The following SEMA3E variants were observed in gnomAD, a reference collection of about 807,000 sequenced individuals.
SEMA3E encodes the protein semaphorin 3E.
Under a neutral mutation model 93.6 loss-of-function variants are expected in SEMA3E, and 49 were observed. That is an observed-to-expected ratio of 0.52 (90% CI 0.42 to 0.66). The LOEUF (loss-of-function observed/expected upper bound fraction) is 0.66, where lower values mean the gene tolerates loss of function less well. Among genes scored for constraint, SEMA3E ranks in the 30% least tolerant of loss-of-function variants. The probability of loss-of-function intolerance (pLI) is 0.00; values close to 1 mark genes in which losing one functional copy is unlikely to be tolerated. For synonymous variants in SEMA3E, 363 were observed against 330.7 expected (o/e 1.10, Z -1.06); for missense variants, 906 against 964.8 (o/e 0.94, Z 0.81).
chr7:83,394,405 T>A, intron 12 of SEMA3E, 67 bp from the exon 13 acceptor site: 2 of 1,309,046 alleles, frequency 1.5e-6, no homozygotes, highest in Non-Finnish European at 1.1e-6. Flanking sequence ...AATATGGTTG[T>A]AAACCCCTGA....
chr7:83,397,393 A>G (rs1253139444), intron 11 of SEMA3E, among the ~76,000 whole-genome samples: 2 of 152,116 alleles, frequency 1.3e-5, no homozygotes, highest in East Asian at 1.9e-4. Flanking sequence ...TTTTTTACCA[A>G]AAGCTACTTT....
intron 4 of SEMA3E, among the ~76,000 whole-genome samples, chr7:83,456,708 G>C (rs1032536933): frequency 6.6e-6 from 1 of 151,778 alleles, no homozygotes; most frequent in African/African-American, 2.4e-5. Context: ...CCACCTCCTG[G>C]GGTCAAGCGA....
At chr7:83,496,469 T>G (rs1293768617) in intron 1 of SEMA3E, among the ~76,000 whole-genome samples, 1 of 152,066 alleles carries the variant, frequency 6.6e-6, no homozygotes, top group African/African-American at 2.4e-5. Flanking sequence ...TTTAATCACC[T>G]TTATTGTGTA....
At chr7:83,641,490 T>C (rs17457412) in intron 1 of SEMA3E, 11,060 of 528,438 alleles carry the variant, frequency 0.021, 141 homozygotes, top group Middle Eastern at 0.033. Flanking sequence ...GTTACAAAGC[T>C]GGGCCTACAA....
At chr7:83,457,951 T>G (rs1362327008) in intron 4 of SEMA3E, among the ~76,000 whole-genome samples, 3 of 152,156 alleles carry the variant, frequency 2.0e-5, no homozygotes, top group Non-Finnish European at 4.4e-5. Flanking sequence ...TTCCCTCATG[T>G]AAAATTGCAT....
At chr7:83,625,147 G>A (rs1246602145) in intron 1 of SEMA3E, among the ~76,000 whole-genome samples, 1 of 152,186 alleles carries the variant, frequency 6.6e-6, no homozygotes, top group Non-Finnish European at 1.5e-5. Context: ...ATAGTTTGAA[G>A]TCAGGTAGCG....
intron 1 of SEMA3E, among the ~76,000 whole-genome samples, chr7:83,565,189 A>G (rs1792117984): frequency 6.6e-6 from 1 of 152,214 alleles, no homozygotes; most frequent in African/African-American, 2.4e-5. Context: ...TGCGGTACAT[A>G]TACACCATGG....
chr7:83,469,496 C>T (rs1789848274), intron 2 of SEMA3E, among the ~76,000 whole-genome samples, 194 bp from the exon 3 acceptor site: 1 of 148,566 alleles, frequency 6.7e-6, no homozygotes, highest in Admixed American at 6.8e-5. Flanking sequence ...TGGGCTTTTA[C>T]TTTATGATAA....
chr7:83,481,581 G>C (rs1790146820), intron 2 of SEMA3E, among the ~76,000 whole-genome samples: 1 of 152,124 alleles, frequency 6.6e-6, no homozygotes, highest in Non-Finnish European at 1.5e-5. Flanking sequence ...TAAATTGGAA[G>C]TTTTAGAGTG....
At chr7:83,400,354 T>C in intron 10 of SEMA3E, 104 bp from the exon 11 acceptor site, 2 of 1,028,384 alleles carry the variant, frequency 1.9e-6, no homozygotes, top group Non-Finnish European at 3.1e-6. Context: ...GTCAAATTAG[T>C]CAATTGTGCA....
intron 1 of SEMA3E, among the ~76,000 whole-genome samples, chr7:83,555,123 A>T (rs1051670140): frequency 1.3e-5 from 2 of 152,176 alleles, no homozygotes; most frequent in African/African-American, 4.8e-5. Context: ...TTCATTAAGT[A>T]CTGCTTTTCT....
At chr7:83,638,220 A>G (rs936250443) in intron 1 of SEMA3E, among the ~76,000 whole-genome samples, 6 of 152,194 alleles carry the variant, frequency 3.9e-5, no homozygotes, top group Admixed American at 1.3e-4. Flanking sequence ...ATGGTGAGCA[A>G]TGAGGTCATT....
At chr7:83,454,272 A>ATATATAT (rs1554327288) in intron 4 of SEMA3E, among the ~76,000 whole-genome samples, 8 of 110,108 alleles carry the variant, frequency 7.3e-5, no homozygotes, top group African/African-American at 2.6e-4. Flanking sequence ...AAAAAAAAAA[A>ATATATAT]ATATATATAT....
At chr7:83,648,235 T>G (rs1794105416) in intron 1 of SEMA3E, among the ~76,000 whole-genome samples, 193 bp downstream of exon 1, 1 of 152,130 alleles carries the variant, frequency 6.6e-6, no homozygotes, top group Non-Finnish European at 1.5e-5. Flanking sequence ...TGCACTGTTT[T>G]CAGATGAGGT....
intron 1 of SEMA3E, among the ~76,000 whole-genome samples, chr7:83,539,673 A>C (rs1397700584): frequency 1.3e-5 from 2 of 152,004 alleles, no homozygotes; most frequent in Non-Finnish European, 1.5e-5. Flanking sequence ...CATCACTGCC[A>C]TGTTTCCTAT....
intron 4 of SEMA3E, among the ~76,000 whole-genome samples, chr7:83,463,209 G>A (rs1337713722): frequency 6.6e-6 from 1 of 151,064 alleles, no homozygotes; most frequent in South Asian, 2.1e-4. Flanking sequence ...CATGGTTAGC[G>A]CGGTCAGAAT....
intron 1 of SEMA3E, among the ~76,000 whole-genome samples, chr7:83,533,901 AGAG>A (rs1191669716): frequency 6.6e-6 from 1 of 152,174 alleles, no homozygotes. Flanking sequence ...ATTGTCCTAA[AGAG>A]GAACTCAGCC....
intron 1 of SEMA3E, among the ~76,000 whole-genome samples, chr7:83,521,605 GC>G (rs1456232183): frequency 6.6e-6 from 1 of 152,130 alleles, no homozygotes; most frequent in Non-Finnish European, 1.5e-5. Flanking sequence ...TGTATTGTTT[GC>G]AGTTGTGGAG....
At chr7:83,505,541 G>A (rs923625953) in intron 1 of SEMA3E, among the ~76,000 whole-genome samples, 12 of 152,164 alleles carry the variant, frequency 7.9e-5, no homozygotes, top group Admixed American at 2.0e-4. Context: ...GATGGGATGA[G>A]CACCAAGGTT....
Sources: gnomAD v4.1 joint callset for allele counts (sites outside exome capture counted in the v4.1 genomes callset) on GRCh38, gnomAD v4.1.1 for gene constraint, MANE v1.5 for transcripts, NCBI Gene and HGNC (gene_info 2026-07-23, HGNC 2026-07-21) for gene names.